Variants in KIAA1614 observed in about 807,000 individuals in gnomAD.
The protein encoded by KIAA1614 is uncharacterized protein KIAA1614.
Under a neutral mutation model 88.7 loss-of-function variants are expected in KIAA1614, and 76 were observed. The ratio of observed to expected loss-of-function variants is 0.86; its 90% CI spans 0.71 to 1.04. The LOEUF (loss-of-function observed/expected upper bound fraction) is 1.04, where lower values mean the gene tolerates loss of function less well. Ranked by LOEUF, KIAA1614 falls within the 50% of genes least tolerant of loss-of-function variation. The pLI is 0.00. For synonymous variants in KIAA1614, 714 were observed against 675.5 expected, an observed-to-expected ratio of 1.06 and a Z score of -0.88; for missense variants, 1,553 against 1,582.5, an observed-to-expected ratio of 0.98 and a Z score of 0.32.
chr1:180,933,087 G>T (rs186620618), intron 4 of KIAA1614, among the ~76,000 whole-genome samples: 1 of 152,306 alleles, frequency 6.6e-6, no homozygotes, highest in Admixed American at 6.5e-5. Flanking sequence ...CAGTGCTTAT[G>T]GGGGGAAATG....
Position 180,936,377 on chromosome 1 carries a change from G to A in KIAA1614, c.2468G>A (p.Arg823Lys), listed in dbSNP as rs1224498275. ...AAAACCACCTCGCCAGTGTCTCACAGGAAGGCAGCCCTGGCTGGACTGCTC... is the reference window on the plus strand; with the variant it reads ...AAAACCACCTCGCCAGTGTCTCACAAGAAGGCAGCCCTGGCTGGACTGCTC... ...SRKTTSPVSH[R>K]KAALAGLLRL... Residue 823 changes from arginine (R) to lysine (K), a missense_variant, in exon 5 of 9, where the codon AGG becomes AAG. Arg to Lys is a conservative substitution (Grantham distance 26). Transcript: ENST00000367588. 3 of 1,614,212 alleles carry A rather than the reference G, an allele frequency of 1.9e-6. No individual in the cohort carries two copies. Among genetic ancestry groups the A allele is most frequent in the South Asian group, 2.2e-5 (2 of 91,088 alleles).
intron 4 of KIAA1614, among the ~76,000 whole-genome samples, chr1:180,934,006 G>A (rs549521527): frequency 6.6e-6 from 1 of 152,364 alleles, no homozygotes; most frequent in South Asian, 2.1e-4. Context: ...TGTAATCCCA[G>A]CACTTTGGGA....
chr1:180,936,186 G>T lies in KIAA1614; in HGVS notation c.2277G>T (p.Gly759=), dbSNP rs778000239. The T allele has an allele frequency of 5.0e-6, 8 of 1,614,166 alleles. No individual in the cohort carries two copies. The highest frequency in any genetic ancestry group is 5.9e-6 in the Non-Finnish European group (7 of 1,180,020). The change falls in exon 5 of 9, where the codon GGG becomes GGT. Residue 759 remains glycine (G), a synonymous_variant. Transcript: ENST00000367588. The part of the protein sequence containing the change: ...TTAPMTPESS[G]PGGQAQVTES... Reference sequence around the variant, plus strand: ...CCCCCATGACGCCTGAATCATCGGGGCCAGGAGGCCAGGCCCAGGTTACAG... The same window carrying T: ...CCCCCATGACGCCTGAATCATCGGGTCCAGGAGGCCAGGCCCAGGTTACAG...
chr1:180,915,871 C>G (rs1045433318), intron 1 of KIAA1614, among the ~76,000 whole-genome samples: 35 of 152,168 alleles, frequency 2.3e-4, no homozygotes, highest in African/African-American at 8.2e-4. Flanking sequence ...GTGCAAGCTC[C>G]TTATGAGAAT....
At position 180,943,548 on chromosome 1, in the gene KIAA1614, A is replaced by ATTTTTTTTTTTTTTTTTTTTTTTT. The variant is rs201999726; in HGVS notation, c.3160-840_3160-839insTTTTTTTTTTTTTTTTTTTTTTTT. Among the ~76,000 whole-genome samples the ATTTTTTTTTTTTTTTTTTTTTTTT allele has an allele frequency of 2.7e-3, 205 of 74,752 alleles. 45 individuals are homozygous for ATTTTTTTTTTTTTTTTTTTTTTTT. The highest frequency in any genetic ancestry group is 5.8e-3 in the African/African-American group (102 of 17,698). The allele number at this position is 74,752 out of a possible 152,430, so 49.0% of individuals were successfully genotyped here. A position where few individuals can be genotyped will look rare whatever the true frequency, so the allele number is the denominator to read the frequency against. ...GGATTGTAGGATTGAATGGTAGTAG[A>ATTTTTTTTTTTTTTTTTTTTTTTT]TCTTTTTTTTTTTTTTTTGAGACAG... On this transcript the variant is annotated intron_variant, in intron 7 of 8. Transcript: ENST00000367588.
chr1:180,917,173 G>A (rs1653835779), intron 2 of KIAA1614, 73 bp downstream of exon 2: 4 of 1,225,604 alleles, frequency 3.3e-6, no homozygotes, highest in Non-Finnish European at 4.6e-6. Flanking sequence ...AGGGGACGAG[G>A]GGGTCCCACA....
intron 7 of KIAA1614, among the ~76,000 whole-genome samples, chr1:180,943,876 A>G (rs1654525968): frequency 1.3e-5 from 2 of 152,100 alleles, no homozygotes; most frequent in African/African-American, 4.8e-5. Context: ...TGTGCACTGA[A>G]ACCTTTTAAC....
chr1:180,928,676 A>G lies in KIAA1614; in HGVS notation c.1205+103A>G, dbSNP rs907269062. 9 of 1,237,110 alleles carry G rather than the reference A, an allele frequency of 7.3e-6. No homozygotes were observed. In the African/African-American group the frequency reaches 1.3e-4, roughly 17 times the overall value. The allele number at this position is 1,237,110 out of a possible 1,614,324, so 76.6% of individuals were successfully genotyped here. ...GCCAAATGCTGCTGCTGCTCGCTCC[A>G]TGTGTGTGTGTGTCTGTGTGTTTTC... On this transcript the variant is annotated intron_variant, in intron 4 of 8. Transcript: ENST00000367588.
chr1:180,942,604 T>C (rs1298320091), intron 7 of KIAA1614, among the ~76,000 whole-genome samples: 2 of 152,200 alleles, frequency 1.3e-5, no homozygotes, highest in African/African-American at 4.8e-5. Flanking sequence ...GCCGCAGATA[T>C]TGAAGCTGGG....
chr1:180,915,677 A>G (rs1653774043), intron 1 of KIAA1614, among the ~76,000 whole-genome samples: 2 of 152,196 alleles, frequency 1.3e-5, no homozygotes, highest in South Asian at 2.1e-4. Flanking sequence ...CCACGAACCA[A>G]TAGCGGTCCA....
In KIAA1614 at chr1:180,926,681, C is replaced by G. The variant is rs549598479; in HGVS notation, c.1062-1749C>G. Among the ~76,000 whole-genome samples, 306 of 152,330 alleles carry G rather than the reference C, an allele frequency of 2.0e-3. 4 individuals are homozygous for G. The highest frequency in any genetic ancestry group is 1.4e-3 in the East Asian group (7 of 5,172). On this transcript the variant is annotated intron_variant, in intron 3 of 8. Transcript: ENST00000367588. ...GAACCACAGCTGTCACCGGAAGGCT[C>G]CGAGTGTGCGGGCTGGCAGCCAGAG...
intron 3 of KIAA1614, among the ~76,000 whole-genome samples, chr1:180,926,434 C>A (rs1404063385): frequency 6.9e-6 from 1 of 145,334 alleles, no homozygotes; most frequent in African/African-American, 2.6e-5. Context: ...AGTGGAGAAC[C>A]AGCTTTGTCT....
chr1:180,912,900 C>G lies in KIAA1614; in HGVS notation c.-344C>G, dbSNP rs1401927809. Among the ~76,000 whole-genome samples, 1 of 151,888 alleles carries G rather than the reference C, an allele frequency of 6.6e-6. No homozygotes were observed. Among genetic ancestry groups the G allele is most frequent in the Non-Finnish European group, 1.5e-5 (1 of 67,908 alleles). On this transcript the variant is annotated 5_prime_UTR_variant, in exon 1 of 9. Transcript: ENST00000367588. This position sits in a 1 kb window ranked among gnomAD's most constrained non-coding sequence, Gnocchi z 5.1. ...CCGGGAAGGCGCGGGCTTGGCCGCTCTTCCCCTCCACGGCAAAGCCGTGAA... is the reference window on the plus strand; with the variant it reads ...CCGGGAAGGCGCGGGCTTGGCCGCTGTTCCCCTCCACGGCAAAGCCGTGAA...
At chr1:180,934,258 AAAAAAAAAAAAAG>A (rs1466387636) in intron 4 of KIAA1614, among the ~76,000 whole-genome samples, 1 of 136,804 alleles carries the variant, frequency 7.3e-6, no homozygotes, top group Admixed American at 7.5e-5. Flanking sequence ...GTCTCAAAAA[AAAAAAAAAAAAAG>A]AAAAGAAAAG....
chr1:180,919,432 C>T (rs1408168312), intron 3 of KIAA1614, among the ~76,000 whole-genome samples: 1 of 152,242 alleles, frequency 6.6e-6, no homozygotes, highest in African/African-American at 2.4e-5. Context: ...CTGTGGGCCT[C>T]AGCCGGCTCT....
Position 180,930,632 on chromosome 1 carries a change from A to G in KIAA1614, c.1205+2059A>G, listed in dbSNP as rs192227378. Among the ~76,000 whole-genome samples, 12 of 152,332 alleles carry G rather than the reference A, an allele frequency of 7.9e-5. No individual in the cohort carries two copies. In the East Asian group the frequency reaches 2.3e-3, roughly 29 times the overall value. On this transcript the variant is annotated intron_variant, in intron 4 of 8. Coordinates refer to ENST00000367588, the MANE Select transcript of KIAA1614 (RefSeq NM_020950.2). ...AGGTCCTCTTGGACACTTCTTCCTC[A>G]TGTCACTCTAGCAGCTCACAACAAC...
Position 180,950,246 on chromosome 1 carries a change from A to G in KIAA1614, c.*4658A>G. On this transcript the variant is annotated 3_prime_UTR_variant, in exon 9 of 9. Transcript: ENST00000367588. ...GGTATGAGCACCTCCTCCCTGTGCC[A>G]CACAAACAGCACCTCATCAACATGG... 1.1e-6 allele frequency: 1 copy of G among 886,794 alleles called. No homozygotes were observed. Among genetic ancestry groups the G allele is most frequent in the Non-Finnish European group, 1.5e-6 (1 of 687,234 alleles). The allele number at this position is 886,794 out of a possible 1,614,324, so 54.9% of individuals were successfully genotyped here.
chr1:180,917,827 C>G (rs770024167), intron 2 of KIAA1614, 24 bp from the exon 3 acceptor site: 4 of 1,610,058 alleles, frequency 2.5e-6, no homozygotes, highest in Non-Finnish European at 3.4e-6. Context: ...CTGTCCTGAT[C>G]TCTGCTTCTG....
At chr1:180,926,478 A>G (rs1410579281) in intron 3 of KIAA1614, among the ~76,000 whole-genome samples, 1 of 106,304 alleles carries the variant, frequency 9.4e-6, no homozygotes, top group Non-Finnish European at 1.8e-5. Context: ...TGATGAGAAA[A>G]AAAAAAAAAA....
Sources: gnomAD v4.1 joint callset for allele counts (sites outside exome capture counted in the v4.1 genomes callset) on GRCh38, gnomAD v4.1.1 for gene constraint, Gnocchi (gnomAD v3.1) non-coding constraint, MANE v1.5 for transcripts, NCBI Gene and HGNC (gene_info 2026-07-23, HGNC 2026-07-21) for gene names.